Variants in MCTP2 observed in about 807,000 individuals in gnomAD.
MCTP2 encodes multiple C2 and transmembrane domain-containing protein 2.
Under a neutral mutation model 111.6 loss-of-function variants are expected in MCTP2, and 132 were observed. The ratio of observed to expected loss-of-function variants is 1.18; its 90% CI spans 1.03 to 1.37. The LOEUF (loss-of-function observed/expected upper bound fraction) is 1.37. MCTP2 is among the 40% of genes most tolerant of loss of function. The pLI, the probability that MCTP2 is intolerant of heterozygous loss-of-function variation, is 0.00. For missense variants in MCTP2, 1,183 were observed against 1,067.9 expected, an observed-to-expected ratio of 1.11 and a Z score of -1.50; for synonymous variants, 395 against 387.7, an observed-to-expected ratio of 1.02 and a Z score of -0.22.
intron 4 of MCTP2, among the ~76,000 whole-genome samples, chr15:94,322,916 A>C (rs954774348): frequency 3.3e-5 from 5 of 152,184 alleles, no homozygotes; most frequent in Non-Finnish European, 5.9e-5. Context: ...GAGCATAGGA[A>C]GTTTTTGGTG....
chr15:94,346,700 A>G (rs980326980), intron 8 of MCTP2, among the ~76,000 whole-genome samples: 5 of 152,208 alleles, frequency 3.3e-5, no homozygotes, highest in African/African-American at 4.8e-5. Flanking sequence ...CATAAAGGCT[A>G]GAAAGAAAGA....
chr15:94,402,301 T>G, intron 17 of MCTP2: 1 of 985,428 alleles, frequency 1.0e-6, no homozygotes, highest in African/African-American at 1.7e-5. Context: ...TTTTTTTTCT[T>G]TCTGTGCCAG....
chr15:94,301,800 A>G (rs2075627910), intron 2 of MCTP2, among the ~76,000 whole-genome samples: 1 of 148,950 alleles, frequency 6.7e-6, no homozygotes, highest in Non-Finnish European at 1.5e-5. Context: ...CTGAAATTTG[A>G]TATTGATTTT....
At chr15:94,330,637 T>A (rs2077089665) in intron 4 of MCTP2, among the ~76,000 whole-genome samples, 1 of 152,316 alleles carries the variant, frequency 6.6e-6, no homozygotes, top group Middle Eastern at 3.4e-3. Flanking sequence ...CCCTCGTTTT[T>A]TGGTGTTACA....
rs1596530412 is a variant in MCTP2, at chr15:94,382,537, A to G, written c.1583-1485A>G. On this transcript the variant is annotated intron_variant, in intron 12 of 22. Coordinates refer to ENST00000357742, the MANE Select transcript of MCTP2 (RefSeq NM_001385001.1). ...TCCTGTTTAATACTATTCATCGCCCATGCGTCTGCTCTTCTCCTCCTCCCT... is the reference window on the plus strand; with the variant it reads ...TCCTGTTTAATACTATTCATCGCCCGTGCGTCTGCTCTTCTCCTCCTCCCT... Among the ~76,000 whole-genome samples the G allele has an allele frequency of 3.9e-5, 6 of 152,380 alleles. 1 individual carries two copies. The highest frequency in any genetic ancestry group is 2.1e-4 in the South Asian group (1 of 4,834).
intron 17 of MCTP2, among the ~76,000 whole-genome samples, chr15:94,416,729 A>G (rs1189023256): frequency 6.6e-6 from 1 of 152,170 alleles, no homozygotes; most frequent in African/African-American, 2.4e-5. Flanking sequence ...CAGAAAATAT[A>G]GTGCAGAATT....
chr15:94,278,178 A>C (rs1271517313), intron 1 of MCTP2: 1 of 152,192 alleles, frequency 6.6e-6, no homozygotes, highest in East Asian at 1.9e-4. Context: ...GGATTCTAAA[A>C]TTTGAATAGA....
intron 3 of MCTP2, 120 bp downstream of exon 3, chr15:94,314,464 A>T: frequency 1.4e-6 from 1 of 736,964 alleles, no homozygotes; most frequent in Non-Finnish European, 2.2e-6. Context: ...GCCAAACCGT[A>T]TCCACTTACA....
intron 21 of MCTP2, among the ~76,000 whole-genome samples, chr15:94,472,554 G>A (rs1274321247): frequency 6.6e-6 from 1 of 152,066 alleles, no homozygotes. Flanking sequence ...ATGAAATATT[G>A]TTCTATTTTC....
chr15:94,441,477 G>T (rs942415569), intron 18 of MCTP2, among the ~76,000 whole-genome samples: 1 of 152,124 alleles, frequency 6.6e-6, no homozygotes, highest in African/African-American at 2.4e-5. Context: ...CAGGTTTTAT[G>T]TTGCCCACTG....
chr15:94,295,357 C>G (rs193011438), intron 1 of MCTP2, among the ~76,000 whole-genome samples: 1 of 145,618 alleles, frequency 6.9e-6, no homozygotes, highest in Non-Finnish European at 1.5e-5. Context: ...TGTAATATAT[C>G]TGTCTGTCTG....
At chr15:94,400,108 CCTCT>C (rs2081492216) in intron 16 of MCTP2, 113 bp downstream of exon 16, 2 of 803,824 alleles carry the variant, frequency 2.5e-6, no homozygotes, top group Non-Finnish European at 4.2e-6. Flanking sequence ...TCTTACTCCT[CCTCT>C]CTCCCTCTTG....
In MCTP2 at chr15:94,439,029, A is replaced by T. The variant is rs544614866; in HGVS notation, c.2086-1147A>T. On this transcript the variant is annotated intron_variant, in intron 17 of 22. Coordinates refer to ENST00000357742, the MANE Select transcript of MCTP2 (RefSeq NM_001385001.1). ...TTCTTAGAAGCCTCGCAGGAATGAA[A>T]TAAACTATTTGATACAATAAAGAAT... 3.3e-5 allele frequency among the ~76,000 whole-genome samples: 5 copies of T among 152,330 alleles called. No individual in the cohort carries two copies. In the East Asian group the frequency reaches 9.6e-4, roughly 29 times the overall value.
At chr15:94,301,279 A>G (rs2075597713) in intron 2 of MCTP2, among the ~76,000 whole-genome samples, 1 of 152,148 alleles carries the variant, frequency 6.6e-6, no homozygotes, top group Non-Finnish European at 1.5e-5. Flanking sequence ...GCGGCTGATC[A>G]GACCCCTAGG....
rs557989149 is a variant in MCTP2, at chr15:94,325,812, A to ATTTTTTTTTTTTTTTTTTTTTTTTT, written c.637+10177_637+10201dup. Reference sequence around the variant, plus strand: ...GAACCTACTCTACTCCATCGCTCCGATTTTTTTTTTTTTTTTTTTTTTTTT... The same window carrying ATTTTTTTTTTTTTTTTTTTTTTTTT: ...GAACCTACTCTACTCCATCGCTCCGATTTTTTTTTTTTTTTTTTTTTTTTTTTTTTTTTTTTTTTTTTTTTTTTTT... On this transcript the variant is annotated intron_variant, in intron 4 of 22. Coordinates refer to ENST00000357742, the MANE Select transcript of MCTP2 (RefSeq NM_001385001.1). 3.2e-4 allele frequency among the ~76,000 whole-genome samples: 29 copies of ATTTTTTTTTTTTTTTTTTTTTTTTT among 91,878 alleles called. 3 individuals are homozygous for ATTTTTTTTTTTTTTTTTTTTTTTTT. The highest frequency in any genetic ancestry group is 4.5e-4 in the Non-Finnish European group (21 of 46,624). The allele number at this position is 91,878 out of a possible 152,430, so 60.3% of individuals were successfully genotyped here. A position where few individuals can be genotyped will look rare whatever the true frequency, so the allele number is the denominator to read the frequency against.
Position 94,464,255 on chromosome 15 carries a change from TATTA to T in MCTP2, c.2360+6010_2360+6013del, listed in dbSNP as rs1395674248. Among the ~76,000 whole-genome samples the T allele has an allele frequency of 7.0e-3, 561 of 80,178 alleles. 28 individuals are homozygous for T. Among genetic ancestry groups the T allele is most frequent in the African/African-American group, 0.026 (454 of 17,490 alleles). 52.6% of individuals were successfully genotyped at this position (80,178 alleles called of 152,430 possible). ...TATATATATAATATATATATATATA[TATTA>T]TATATATATATATATATATAAACGT... On this transcript the variant is annotated intron_variant, in intron 20 of 22. Coordinates refer to ENST00000357742, the MANE Select transcript of MCTP2 (RefSeq NM_001385001.1).
At chr15:94,314,729 C>T in intron 3 of MCTP2, 1 of 465,458 alleles carries the variant, frequency 2.1e-6, no homozygotes, top group Non-Finnish European at 4.3e-6. Context: ...CCTTTAAGGA[C>T]AGTCAAAAGT....
intron 19 of MCTP2, among the ~76,000 whole-genome samples, chr15:94,449,125 G>A (rs1170414283): frequency 2.0e-5 from 3 of 152,118 alleles, no homozygotes; most frequent in East Asian, 1.9e-4. Context: ...AGAAAGGGGG[G>A]ATACCACTTT....
intron 9 of MCTP2, among the ~76,000 whole-genome samples, chr15:94,357,547 G>GTT (rs796565271): frequency 9.8e-5 from 13 of 132,828 alleles, no homozygotes; most frequent in African/African-American, 2.8e-4. Context: ...GGCTTTTCTT[G>GTT]TTTTTTTTTT....
Sources: gnomAD v4.1 joint callset for allele counts (sites outside exome capture counted in the v4.1 genomes callset) on GRCh38, gnomAD v4.1.1 for gene constraint, MANE v1.5 for transcripts, NCBI Gene and HGNC (gene_info 2026-07-23, HGNC 2026-07-21) for gene names.